Variants in VPS41 observed in about 807,000 individuals in gnomAD.
The protein encoded by VPS41 is vacuolar protein sorting-associated protein 41 homolog.
In VPS41, 85 loss-of-function variants were observed where a neutral mutation model predicts 130.9. The observed-to-expected ratio is 0.65, with a 90% CI of 0.55 to 0.78. VPS41 has a LOEUF of 0.78. VPS41 is among the 30% of genes least tolerant of loss of function. The pLI, the probability that VPS41 is intolerant of heterozygous loss-of-function variation, is 0.00. For missense variants in VPS41, 874 were observed against 1,018.7 expected, an observed-to-expected ratio of 0.86 and a Z score of 1.93; for synonymous variants, 335 against 332.9, an observed-to-expected ratio of 1.01 and a Z score of -0.07.
At chr7:38,753,797 C>T (rs1292190592) in intron 21 of VPS41, among the ~76,000 whole-genome samples, 2 of 152,084 alleles carry the variant, frequency 1.3e-5, no homozygotes, top group East Asian at 3.9e-4. Context: ...AACAATGCAG[C>T]AGTAGCATCT....
intron 14 of VPS41, among the ~76,000 whole-genome samples, chr7:38,768,766 A>T (rs1365916612): frequency 6.6e-6 from 1 of 152,120 alleles, no homozygotes; most frequent in Non-Finnish European, 1.5e-5. Flanking sequence ...CCTCACGTCC[A>T]TGCTTCTCCA....
intron 21 of VPS41, among the ~76,000 whole-genome samples, chr7:38,753,312 G>C (rs1212969817): frequency 6.6e-6 from 1 of 152,128 alleles, no homozygotes; most frequent in South Asian, 2.1e-4. Context: ...TCACAATGAC[G>C]CCTAACCATG....
chr7:38,732,280 C>T (rs1795680384), intron 25 of VPS41, among the ~76,000 whole-genome samples: 1 of 152,158 alleles, frequency 6.6e-6, no homozygotes, highest in African/African-American at 2.4e-5. Context: ...TTTTATGGAA[C>T]TGATTTTCAT....
intron 2 of VPS41, among the ~76,000 whole-genome samples, chr7:38,872,041 G>A (rs906877529): frequency 6.6e-6 from 1 of 152,160 alleles, no homozygotes; most frequent in Non-Finnish European, 1.5e-5. Flanking sequence ...AAGTGGCTTA[G>A]CTGAGTGGTT....
intron 4 of VPS41, among the ~76,000 whole-genome samples, chr7:38,832,379 G>A (rs1204960819): frequency 6.9e-6 from 1 of 145,776 alleles, no homozygotes; most frequent in Non-Finnish European, 1.5e-5. Context: ...CAGTGCAGCG[G>A]CACAATCTCA....
chr7:38,726,206 A>T lies in VPS41; in HGVS notation c.*40T>A. 1 of 1,428,992 alleles carries T rather than the reference A, an allele frequency of 7.0e-7. No individual in the cohort carries two copies. The highest frequency in any genetic ancestry group is 1.4e-5 in the African/African-American group (1 of 71,506). The allele number at this position is 1,428,992 out of a possible 1,614,324, so 88.5% of individuals were successfully genotyped here. ...CTTTTGTTGTTGCAAAAACAGTCTC[A>T]AAAAGAGTGGTGACAAGGAGACTGA... On this transcript the variant is annotated 3_prime_UTR_variant, in exon 29 of 29. Transcript: ENST00000310301.
intron 27 of VPS41, among the ~76,000 whole-genome samples, chr7:38,728,115 A>G (rs1214208565): frequency 1.3e-5 from 2 of 152,182 alleles, no homozygotes; most frequent in Non-Finnish European, 2.9e-5. Flanking sequence ...TGGTTCTTCT[A>G]CCTTGAAATT....
intron 23 of VPS41, 78 bp from the exon 24 acceptor site, chr7:38,743,620 A>T: frequency 5.9e-6 from 9 of 1,525,626 alleles, no homozygotes; most frequent in Non-Finnish European, 8.0e-6. Context: ...CATATCTCTT[A>T]ATTTGTTTAC....
At chr7:38,855,549 T>C (rs2116283085) in intron 4 of VPS41, among the ~76,000 whole-genome samples, 1 of 152,124 alleles carries the variant, frequency 6.6e-6, no homozygotes, top group South Asian at 2.1e-4. Context: ...GAGGAACCAG[T>C]CACAAAAACA....
At chr7:38,807,282 C>T (rs1002436451) in intron 7 of VPS41, among the ~76,000 whole-genome samples, 3 of 152,094 alleles carry the variant, frequency 2.0e-5, no homozygotes, top group Non-Finnish European at 2.9e-5. Flanking sequence ...GATCTTTGGC[C>T]GCAGGGCACT....
intron 25 of VPS41, among the ~76,000 whole-genome samples, chr7:38,729,649 G>A (rs1243726662): frequency 1.3e-5 from 2 of 152,090 alleles, no homozygotes; most frequent in African/African-American, 2.4e-5. Context: ...ACAATGCTTT[G>A]GCAGCCTCAG....
At chr7:38,857,007 G>T (rs559002831) in intron 4 of VPS41, among the ~76,000 whole-genome samples, 1 of 152,308 alleles carries the variant, frequency 6.6e-6, no homozygotes, top group South Asian at 2.1e-4. Context: ...CTTGATGTGG[G>T]AAGTAACAAA....
At chr7:38,846,634 C>T (rs1331550638) in intron 4 of VPS41, among the ~76,000 whole-genome samples, 2 of 152,056 alleles carry the variant, frequency 1.3e-5, no homozygotes, top group African/African-American at 2.4e-5. Context: ...ATAACAAAAT[C>T]CTAGCACTGC....
chr7:38,818,111 C>G (rs113747199), intron 6 of VPS41, among the ~76,000 whole-genome samples: 2 of 152,240 alleles, frequency 1.3e-5, no homozygotes, highest in African/African-American at 2.4e-5. Context: ...TAGGATAAGT[C>G]AGTTCTAGTT....
intron 7 of VPS41, among the ~76,000 whole-genome samples, chr7:38,799,677 G>A (rs962033890): frequency 1.3e-5 from 2 of 151,924 alleles, no homozygotes; most frequent in African/African-American, 4.8e-5. Context: ...AATCCAAAGG[G>A]ATTATTTCTA....
At chr7:38,729,411 GGT>G (rs35778384) in intron 25 of VPS41, among the ~76,000 whole-genome samples, 24 of 150,990 alleles carry the variant, frequency 1.6e-4, no homozygotes, top group African/African-American at 3.6e-4. Flanking sequence ...CTATGAATGT[GGT>G]GTGTGTGTGT....
chr7:38,856,118 G>A (rs539025142), intron 4 of VPS41, among the ~76,000 whole-genome samples: 2 of 152,246 alleles, frequency 1.3e-5, no homozygotes, highest in Admixed American at 1.3e-4. Flanking sequence ...ATCTCATCTT[G>A]AGGACTCCAC....
At chr7:38,757,658 C>G (rs1466055381) in intron 18 of VPS41, among the ~76,000 whole-genome samples, 2 of 152,028 alleles carry the variant, frequency 1.3e-5, no homozygotes, top group African/African-American at 4.8e-5. Flanking sequence ...TTTGGTATAC[C>G]TTTTTTGGTT....
At chr7:38,799,906 CA>C (rs1307035423) in intron 7 of VPS41, among the ~76,000 whole-genome samples, 3 of 151,694 alleles carry the variant, frequency 2.0e-5, no homozygotes, top group Non-Finnish European at 4.4e-5. Flanking sequence ...TATGATCAGG[CA>C]TGGGTATGTG....
Sources: gnomAD v4.1 joint callset for allele counts (sites outside exome capture counted in the v4.1 genomes callset) on GRCh38, gnomAD v4.1.1 for gene constraint, MANE v1.5 for transcripts, NCBI Gene and HGNC (gene_info 2026-07-23, HGNC 2026-07-21) for gene names.